MTHFD1L: variants seen among roughly 807,000 people sequenced by gnomAD.
MTHFD1L encodes the protein monofunctional C1-tetrahydrofolate synthase, mitochondrial.
In MTHFD1L, 81 loss-of-function variants were observed where a neutral mutation model predicts 119.5. The ratio of observed to expected loss-of-function variants is 0.68; its 90% CI spans 0.57 to 0.82. The LOEUF (loss-of-function observed/expected upper bound fraction) is 0.82, where lower values mean the gene tolerates loss of function less well. MTHFD1L is among the 40% of genes least tolerant of loss of function. The pLI is 0.00. For synonymous variants in MTHFD1L, 430 were observed against 475.2 expected (o/e 0.90, Z 1.24); for missense variants, 1,125 against 1,253.4 (o/e 0.90, Z 1.55).
intron 26 of MTHFD1L, among the ~76,000 whole-genome samples, chr6:151,049,613 G>A (rs141485200): frequency 6.8e-6 from 1 of 147,856 alleles, no homozygotes; most frequent in Admixed American, 6.8e-5. Flanking sequence ...AGTGAGTTGA[G>A]ATCCTGCCAC....
chr6:150,922,317 T>C lies in MTHFD1L; in HGVS notation c.1082+15T>C. ...CCTGTGCCAAGGTAACACTGGTGTT[T>C]TATTTACACTGATGTCAGCTCAGCA... On this transcript the variant is annotated intron_variant, in intron 10 of 27. Transcript: ENST00000367321. 6.2e-7 allele frequency: 1 copy of C among 1,605,222 alleles called. No homozygotes were observed.
At chr6:150,954,999 C>T (rs914413387) in intron 16 of MTHFD1L, among the ~76,000 whole-genome samples, 1 of 151,446 alleles carries the variant, frequency 6.6e-6, no homozygotes, top group Admixed American at 6.6e-5. Flanking sequence ...CACAATTCTA[C>T]TTTATTTACT....
At chr6:150,912,936 A>G (rs1049496055) in intron 8 of MTHFD1L, 5 of 169,214 alleles carry the variant, frequency 3.0e-5, no homozygotes, top group Non-Finnish European at 3.9e-5. Flanking sequence ...AAATTTATTA[A>G]AAATGTATGT....
chr6:151,033,150 G>A (rs1785590624), intron 24 of MTHFD1L, among the ~76,000 whole-genome samples: 1 of 145,494 alleles, frequency 6.9e-6, no homozygotes, highest in South Asian at 2.2e-4. Flanking sequence ...ACAGAGTCTT[G>A]CTCTGTCACC....
intron 16 of MTHFD1L, among the ~76,000 whole-genome samples, chr6:150,954,764 C>T (rs1486808738): frequency 1.3e-5 from 2 of 151,926 alleles, no homozygotes; most frequent in African/African-American, 2.4e-5. Flanking sequence ...CCCCAAGACT[C>T]AAGCAATCCT....
chr6:150,992,918 G>A (rs1271847081), intron 20 of MTHFD1L, among the ~76,000 whole-genome samples: 1 of 152,302 alleles, frequency 6.6e-6, no homozygotes, highest in East Asian at 1.9e-4. Context: ...CTTTCCAAGG[G>A]CAGCAAGCAT....
chr6:150,982,067 A>G (rs73615295), intron 20 of MTHFD1L, among the ~76,000 whole-genome samples: 1,755 of 152,218 alleles, frequency 0.012, 31 homozygotes, highest in African/African-American at 0.04. Flanking sequence ...GTAAGCTACT[A>G]TGGACAACAT....
intron 1 of MTHFD1L, among the ~76,000 whole-genome samples, chr6:150,872,870 C>G (rs747520535): frequency 3.9e-4 from 59 of 151,446 alleles, no homozygotes; most frequent in Non-Finnish European, 7.5e-4. Flanking sequence ...CTATCTTGCC[C>G]AGGCTGGCCT....
chr6:151,042,701 C>G (rs9942447), intron 26 of MTHFD1L, among the ~76,000 whole-genome samples: 4,022 of 152,148 alleles, frequency 0.026, 199 homozygotes, highest in African/African-American at 0.091. Context: ...AATATGTAAG[C>G]AAAGTATATG....
At chr6:150,986,888 G>A (rs1218968709) in intron 20 of MTHFD1L, among the ~76,000 whole-genome samples, 1 of 152,064 alleles carries the variant, frequency 6.6e-6, no homozygotes, top group Non-Finnish European at 1.5e-5. Context: ...TTTTAGTAGA[G>A]ACTGAGTTTC....
At chr6:150,992,888 G>T (rs1213811574) in intron 20 of MTHFD1L, among the ~76,000 whole-genome samples, 1 of 152,232 alleles carries the variant, frequency 6.6e-6, no homozygotes, top group Non-Finnish European at 1.5e-5. Flanking sequence ...AGATTTCTCA[G>T]TGGTTTCCCA....
intron 20 of MTHFD1L, among the ~76,000 whole-genome samples, chr6:150,994,605 C>A (rs1410388037): frequency 1.3e-5 from 2 of 152,182 alleles, no homozygotes; most frequent in African/African-American, 4.8e-5. Flanking sequence ...TTAGGATTAT[C>A]TTCTAAATCA....
At chr6:151,045,253 C>G (rs897927398) in intron 26 of MTHFD1L, among the ~76,000 whole-genome samples, 2 of 152,152 alleles carry the variant, frequency 1.3e-5, no homozygotes, top group African/African-American at 4.8e-5. Flanking sequence ...CATTCACCCC[C>G]CCGCCAAGCT....
At chr6:150,978,881 C>T (rs556502701) in intron 20 of MTHFD1L, among the ~76,000 whole-genome samples, 14 of 152,238 alleles carry the variant, frequency 9.2e-5, no homozygotes, top group Admixed American at 8.5e-4. Context: ...TGTGGGTGAT[C>T]AGGCGGCTAT....
chr6:150,886,463 A>G (rs1782317855), intron 6 of MTHFD1L, among the ~76,000 whole-genome samples: 1 of 149,954 alleles, frequency 6.7e-6, no homozygotes, highest in Admixed American at 6.7e-5. Flanking sequence ...AAAAAAGAGA[A>G]GAAGAAGAAG....
At chr6:151,034,869 T>A (rs1367851636) in intron 25 of MTHFD1L, among the ~76,000 whole-genome samples, 2 of 152,224 alleles carry the variant, frequency 1.3e-5, no homozygotes, top group Non-Finnish European at 2.9e-5. Context: ...TTAGGTGATG[T>A]GTGATCTTTC....
intron 26 of MTHFD1L, among the ~76,000 whole-genome samples, chr6:151,043,421 C>T (rs1048693502): frequency 5.3e-5 from 8 of 151,930 alleles, no homozygotes; most frequent in African/African-American, 1.5e-4. Flanking sequence ...TATGCCACCA[C>T]ATCTGGCTCA....
At chr6:150,971,584 G>A (rs1267714716) in intron 19 of MTHFD1L, among the ~76,000 whole-genome samples, 2 of 151,944 alleles carry the variant, frequency 1.3e-5, no homozygotes, top group Non-Finnish European at 2.9e-5. Context: ...TACCATCAGG[G>A]TTTAATTTCA....
At chr6:151,026,211 A>G (rs1199461039) in intron 24 of MTHFD1L, among the ~76,000 whole-genome samples, 1 of 152,220 alleles carries the variant, frequency 6.6e-6, no homozygotes, top group Non-Finnish European at 1.5e-5. Flanking sequence ...ACCCTGGTCC[A>G]CCACACCTAC....
Sources: gnomAD v4.1 joint callset for allele counts (sites outside exome capture counted in the v4.1 genomes callset) on GRCh38, gnomAD v4.1.1 for gene constraint, MANE v1.5 for transcripts, NCBI Gene and HGNC (gene_info 2026-07-23, HGNC 2026-07-21) for gene names.